PNPLA8: variants seen among roughly 807,000 people sequenced by gnomAD.
PNPLA8 encodes the protein patatin like domain 8, phospholipase A2.
A neutral mutation model predicts 76.9 loss-of-function variants in PNPLA8; 39 were observed. The ratio of observed to expected loss-of-function variants is 0.51; its 90% CI spans 0.39 to 0.66. PNPLA8 has a LOEUF of 0.66. PNPLA8 is among the 30% of genes least tolerant of loss of function. The pLI, the probability that PNPLA8 is intolerant of heterozygous loss-of-function variation, is 0.00. For synonymous variants in PNPLA8, 301 were observed against 307.9 expected (o/e 0.98, Z 0.24); for missense variants, 887 against 918.0 (o/e 0.97, Z 0.44).
chr7:108,514,615 G>A lies in PNPLA8; in HGVS notation c.877C>T (p.Arg293Cys), dbSNP rs560627352. The change falls in exon 3 of 11, where the codon CGT (arginine) becomes TGT (cysteine). Residue 293 changes from arginine (R) to cysteine (C), a missense_variant. Physicochemically the swap from Arg to Cys is radical, Grantham distance 180. Transcript: ENST00000257694. ...TKQSIANFLS[R>C]PTEGVQALVG... The stretch of plus-strand genomic sequence containing the variant: ...AAAGCTTGTACACCTTCCGTGGGAC[G>A]AGAAAGAAAGTTAGCAATACTTTGT... 1.3e-5 allele frequency: 21 copies of A among 1,613,932 alleles called. No homozygotes were observed. The highest frequency in any genetic ancestry group is 8.8e-5 in the South Asian group (8 of 91,066).
intron 6 of PNPLA8, among the ~76,000 whole-genome samples, chr7:108,497,106 A>G (rs1158318378): frequency 6.6e-6 from 1 of 152,172 alleles, no homozygotes; most frequent in Non-Finnish European, 1.5e-5. Flanking sequence ...TATGGTAGAT[A>G]ATTCACGTTC....
At chr7:108,481,597 G>A (rs1329306163) in intron 9 of PNPLA8, among the ~76,000 whole-genome samples, 1 of 152,172 alleles carries the variant, frequency 6.6e-6, no homozygotes, top group African/African-American at 2.4e-5. Flanking sequence ...TGTTGGACAT[G>A]TGAATTTGCA....
At chr7:108,513,496 G>A (rs1863082806) in intron 4 of PNPLA8, among the ~76,000 whole-genome samples, 1 of 151,980 alleles carries the variant, frequency 6.6e-6, no homozygotes, top group South Asian at 2.1e-4. Flanking sequence ...CTAATGAAAT[G>A]TAAGCAGTAT....
chr7:108,480,507 T>A (rs753543954), intron 9 of PNPLA8, among the ~76,000 whole-genome samples: 1 of 152,204 alleles, frequency 6.6e-6, no homozygotes, highest in African/African-American at 2.4e-5. Context: ...CGGAAAGGCA[T>A]TTCTTCAGTG....
Position 108,479,393 on chromosome 7 carries a change from G to T in PNPLA8, c.1879-14C>A. Reference sequence around the variant, plus strand: ...CAAACCTCCATCCTGCAAAATACAAGTTAAAAAAAGAAACTTTTAAAACTG... The same window carrying T: ...CAAACCTCCATCCTGCAAAATACAATTTAAAAAAAGAAACTTTTAAAACTG... On this transcript the variant is annotated splice_polypyrimidine_tract_variant and intron_variant, in intron 9 of 10. Transcript: ENST00000257694. The T allele has an allele frequency of 6.3e-7, 1 of 1,574,950 alleles. No individual in the cohort carries two copies. The highest frequency in any genetic ancestry group is 8.6e-7 in the Non-Finnish European group (1 of 1,156,482).
intron 4 of PNPLA8, among the ~76,000 whole-genome samples, chr7:108,509,138 A>T (rs1862691731): frequency 9.4e-6 from 1 of 106,262 alleles, no homozygotes; most frequent in African/African-American, 4.3e-5. Flanking sequence ...TGTCCAAAAC[A>T]CCAAAAGCAA....
chr7:108,505,634 TAG>T (rs1039980136), intron 4 of PNPLA8, among the ~76,000 whole-genome samples: 2 of 151,848 alleles, frequency 1.3e-5, no homozygotes, highest in Non-Finnish European at 2.9e-5. Flanking sequence ...GTGCTAGGAT[TAG>T]AGGCCTGAGC....
intron 9 of PNPLA8, among the ~76,000 whole-genome samples, chr7:108,485,129 T>C (rs1208739114): frequency 6.6e-6 from 1 of 152,216 alleles, no homozygotes; most frequent in Non-Finnish European, 1.5e-5. Context: ...AAACCTCTAG[T>C]GTAAACTAAT....
intron 2 of PNPLA8, among the ~76,000 whole-genome samples, chr7:108,520,545 G>C (rs1041326389): frequency 1.3e-5 from 2 of 152,068 alleles, no homozygotes; most frequent in African/African-American, 4.8e-5. Context: ...ACAGTAGGGG[G>C]ACTATAGTTA....
At chr7:108,508,656 A>G (rs1160345023) in intron 4 of PNPLA8, among the ~76,000 whole-genome samples, 3 of 140,066 alleles carry the variant, frequency 2.1e-5, no homozygotes, top group Non-Finnish European at 4.7e-5. Flanking sequence ...GACTTTCTTC[A>G]CAGAATTGGA....
chr7:108,518,758 T>TATATATACAC (rs1554690263), intron 2 of PNPLA8, among the ~76,000 whole-genome samples: 9 of 123,064 alleles, frequency 7.3e-5, no homozygotes, highest in South Asian at 2.7e-4. Context: ...TATATATATA[T>TATATATACAC]ACACACACAC....
At chr7:108,480,978 TG>T (rs34382450) in intron 9 of PNPLA8, among the ~76,000 whole-genome samples, 42,424 of 152,032 alleles carry the variant, frequency 0.28, 6,251 homozygotes, top group African/African-American at 0.32. Flanking sequence ...TAATACAGTA[TG>T]GGACTTCTTT....
chr7:108,499,388 C>T (rs1861786647), intron 5 of PNPLA8, among the ~76,000 whole-genome samples: 1 of 152,184 alleles, frequency 6.6e-6, no homozygotes, highest in African/African-American at 2.4e-5. Flanking sequence ...CTGTCTGTGT[C>T]TACCACTGTA....
At chr7:108,489,984 C>A (rs980343534) in intron 8 of PNPLA8, among the ~76,000 whole-genome samples, 5 of 152,176 alleles carry the variant, frequency 3.3e-5, no homozygotes, top group African/African-American at 1.2e-4. Context: ...TATAGTCATG[C>A]ATTGCATATC....
intron 4 of PNPLA8, among the ~76,000 whole-genome samples, chr7:108,508,616 A>G (rs1288822720): frequency 1.1e-5 from 1 of 91,274 alleles, no homozygotes; most frequent in Non-Finnish European, 2.1e-5. Flanking sequence ...TAATTTACAG[A>G]TTCAATGCCA....
intron 5 of PNPLA8, among the ~76,000 whole-genome samples, chr7:108,501,691 G>A (rs988291158): frequency 6.6e-6 from 1 of 152,148 alleles, no homozygotes; most frequent in South Asian, 2.1e-4. Flanking sequence ...AGGCATGGTG[G>A]TGGACACCTA....
chr7:108,525,854 G>A (rs1231510783), intron 1 of PNPLA8, among the ~76,000 whole-genome samples, 175 bp downstream of exon 1: 1 of 152,228 alleles, frequency 6.6e-6, no homozygotes, highest in Non-Finnish European at 1.5e-5. Context: ...ATGAGCTCCA[G>A]GACCTGCGGG....
chr7:108,505,387 G>T (rs564134014), intron 4 of PNPLA8, among the ~76,000 whole-genome samples: 1 of 83,998 alleles, frequency 1.2e-5, no homozygotes, highest in Non-Finnish European at 2.0e-5. Context: ...TTTTTGAGAC[G>T]GAGTCTCACT....
rs533739551 is a variant in PNPLA8, at chr7:108,514,853, T to C, written c.639A>G (p.Ser213=). Residue 213 remains serine, a synonymous_variant, in exon 3 of 11, where the codon TCA becomes TCG. Coordinates refer to ENST00000257694, the MANE Select transcript of PNPLA8 (RefSeq NM_001256007.3). ...ACATTTTTTCCTTACGTTTGAAATATGAATTAATATGATTTGATAAAAAGT... is the reference window on the plus strand; with the variant it reads ...ACATTTTTTCCTTACGTTTGAAATACGAATTAATATGATTTGATAAAAAGT... The part of the protein sequence containing the change: ...SFYFLSNHIN[S]YFKRKEKMSQ... 2 of 1,610,760 alleles carry C rather than the reference T, an allele frequency of 1.2e-6. No individual in the cohort carries two copies. The highest frequency in any genetic ancestry group is 2.2e-5 in the East Asian group (1 of 44,862).
Sources: allele counts gnomAD v4.1 joint callset (sites outside exome capture counted in the v4.1 genomes callset), GRCh38; gene constraint gnomAD v4.1.1; transcripts MANE v1.5; gene names NCBI Gene and HGNC (gene_info 2026-07-23, HGNC 2026-07-21).